LHX6: variants seen among roughly 807,000 people sequenced by gnomAD.
LHX6 encodes the protein LIM homeobox 6, also known as LIM/homeobox protein Lhx6.
In LHX6, 15 loss-of-function variants were observed where a neutral mutation model predicts 47.1. The observed-to-expected ratio is 0.32, with a 90% CI of 0.21 to 0.49. The LOEUF is 0.49. LHX6 is among the 20% of genes least tolerant of loss of function. LHX6 has a pLI of 0.99. For synonymous variants in LHX6, 242 were observed against 233.5 expected, an observed-to-expected ratio of 1.04 and a Z score of -0.33; for missense variants, 404 against 539.6, an observed-to-expected ratio of 0.75 and a Z score of 2.49.
intron 9 of LHX6, among the ~76,000 whole-genome samples, chr9:122,205,446 C>T (rs535288212): frequency 1.1e-4 from 16 of 152,354 alleles, no homozygotes; most frequent in Admixed American, 4.6e-4. Context: ...CTTTCCCCCT[C>T]CCACTCCCAC....
chr9:122,212,043 C>T (rs1284612885), intron 8 of LHX6, among the ~76,000 whole-genome samples: 1 of 152,192 alleles, frequency 6.6e-6, no homozygotes, highest in African/African-American at 2.4e-5. Flanking sequence ...CAGGGCTCTG[C>T]ACTCCTAGTT....
At chr9:122,220,769 C>T (rs1830819005) in intron 4 of LHX6, among the ~76,000 whole-genome samples, 1 of 152,182 alleles carries the variant, frequency 6.6e-6, no homozygotes, top group African/African-American at 2.4e-5. Flanking sequence ...AGGTGGGCGT[C>T]GCGCACCGCA....
chr9:122,223,490 C>A (rs1293142249), intron 4 of LHX6, among the ~76,000 whole-genome samples: 1 of 152,192 alleles, frequency 6.6e-6, no homozygotes, highest in East Asian at 1.9e-4. Context: ...GGCATTCATA[C>A]CAACCACCAT....
chr9:122,204,915 A>G (rs1006184679), intron 9 of LHX6, 135 bp from the exon 10 acceptor site: 15 of 532,696 alleles, frequency 2.8e-5, no homozygotes, highest in Non-Finnish European at 4.5e-5. Flanking sequence ...GGCTCTGTCA[A>G]CTGACTTGCT....
chr9:122,223,774 C>CACAG (rs2118903971), intron 4 of LHX6, among the ~76,000 whole-genome samples: 1 of 152,286 alleles, frequency 6.6e-6, no homozygotes, highest in African/African-American at 2.4e-5. Context: ...TCTAGTAAAG[C>CACAG]ACAGTATCCA....
intron 1 of LHX6, chr9:122,228,149 C>A (rs893572998): frequency 1.1e-6 from 1 of 909,570 alleles, no homozygotes; most frequent in East Asian, 2.7e-5. Flanking sequence ...ATTGAAGCAG[C>A]TATATTGACA....
chr9:122,218,061 T>G (rs1303442788), intron 4 of LHX6, among the ~76,000 whole-genome samples: 3 of 152,296 alleles, frequency 2.0e-5, no homozygotes, highest in Admixed American at 6.5e-5. Context: ...CCAGATCGAA[T>G]GTCTTCTTGC....
chr9:122,208,446 A>C (rs1312948551), intron 9 of LHX6, among the ~76,000 whole-genome samples: 2 of 151,936 alleles, frequency 1.3e-5, no homozygotes, highest in Non-Finnish European at 2.9e-5. Context: ...ACCACACTTT[A>C]CTTGTTTCCA....
Position 122,226,564 on chromosome 9 carries a change from C to T in LHX6, c.340-67G>A. 1.9e-6 allele frequency: 3 copies of T among 1,571,204 alleles called. No individual in the cohort carries two copies. The highest frequency in any genetic ancestry group is 2.6e-6 in the Non-Finnish European group (3 of 1,165,512). ...TCTTTCACTCCGGGCCCCAGCCTTC[C>T]CGGTCTCATTTACAGTCAGAGGCGC... On this transcript the variant is annotated intron_variant, in intron 3 of 9. Transcript: ENST00000394319. This position sits in a 1 kb window ranked among gnomAD's most constrained non-coding sequence, Gnocchi z 6.5.
intron 8 of LHX6, among the ~76,000 whole-genome samples, chr9:122,210,111 G>A (rs1830346427): frequency 1.3e-5 from 2 of 152,056 alleles, no homozygotes; most frequent in African/African-American, 4.8e-5. Flanking sequence ...GACCTCATGG[G>A]GTTTCACCGT....
rs1192852490 is a variant in LHX6 at position 122,214,096 on chromosome 9, G to T, written c.784-27C>A. The T allele has an allele frequency of 6.3e-7, 1 of 1,581,010 alleles. No individual in the cohort carries two copies. The highest frequency in any genetic ancestry group is 8.6e-7 in the Non-Finnish European group (1 of 1,166,584). ...TGCGGGGCGGGGAGGGCGGTGAGGC[G>T]CTCGCACGCAGAGACTCCGAGACCC... On this transcript the variant is annotated intron_variant, in intron 6 of 9. Coordinates refer to ENST00000394319, the MANE Select transcript of LHX6 (RefSeq NM_014368.5). This position sits in a 1 kb window ranked among gnomAD's most constrained non-coding sequence, Gnocchi z 4.6.
intron 1 of LHX6, 68 bp downstream of exon 1, chr9:122,228,589 G>A: frequency 3.7e-6 from 5 of 1,348,130 alleles, no homozygotes; most frequent in Non-Finnish European, 4.8e-6. Context: ...ACCCTGCTCG[G>A]CCCGGCTGGG....
chr9:122,221,326 A>G (rs1247253278), intron 4 of LHX6: 1 of 985,160 alleles, frequency 1.0e-6, no homozygotes, highest in Non-Finnish European at 1.2e-6. Context: ...GGCTCCCCCA[A>G]CATCTGTCCC....
intron 4 of LHX6, among the ~76,000 whole-genome samples, chr9:122,225,353 G>T (rs1391765798): frequency 6.6e-6 from 1 of 152,246 alleles, no homozygotes; most frequent in African/African-American, 2.4e-5. Context: ...AGGCCTGGTG[G>T]TCCAAGCCTC....
rs1195917634 is a variant in LHX6, at chr9:122,226,047, CCTCAGAG to C, written c.461+322_461+328del. The stretch of plus-strand genomic sequence containing the variant: ...AGTGGGTCCGGGCCAGAAATGGGGA[CCTCAGAG>C]CTCCACCGAGGCGCTCGAGGTCAGA... On this transcript the variant is annotated intron_variant, in intron 4 of 9. Transcript: ENST00000394319. The surrounding 1 kb of genome is among the most constrained non-coding windows in gnomAD (Gnocchi z 6.5). Among the ~76,000 whole-genome samples the C allele has an allele frequency of 6.6e-6, 1 of 152,074 alleles. No homozygotes were observed. Among genetic ancestry groups the C allele is most frequent in the East Asian group, 1.9e-4 (1 of 5,172 alleles).
At chr9:122,220,324 A>G (rs1830792384) in intron 4 of LHX6, among the ~76,000 whole-genome samples, 1 of 152,166 alleles carries the variant, frequency 6.6e-6, no homozygotes, top group South Asian at 2.1e-4. Context: ...AGTTTACGAA[A>G]TCGTCCTCGC....
chr9:122,228,030 A>G, intron 1 of LHX6: 1 of 386,286 alleles, frequency 2.6e-6, no homozygotes, highest in South Asian at 2.4e-5. Flanking sequence ...AAAGAGAGAA[A>G]GAAAGAAAAT....
At chr9:122,227,552 C>T (rs1831165504) in intron 1 of LHX6, 72 bp from the exon 2 acceptor site, 4 of 1,447,078 alleles carry the variant, frequency 2.8e-6, no homozygotes, top group Admixed American at 2.8e-5. Flanking sequence ...GAGCCCAGCG[C>T]CTCCCCGCGC....
At chr9:122,219,535 G>A (rs1830742329) in intron 4 of LHX6, among the ~76,000 whole-genome samples, 1 of 152,170 alleles carries the variant, frequency 6.6e-6, no homozygotes, top group Non-Finnish European at 1.5e-5. Flanking sequence ...AGCACTTTCT[G>A]GCCTCTGAGG....
Sources: allele counts gnomAD v4.1 joint callset (sites outside exome capture counted in the v4.1 genomes callset), GRCh38; gene constraint gnomAD v4.1.1; non-coding constraint Gnocchi (gnomAD v3.1); transcripts MANE v1.5; gene names NCBI Gene and HGNC (gene_info 2026-07-23, HGNC 2026-07-21).